Variants in MYO7B observed in about 807,000 individuals in gnomAD.
The protein encoded by MYO7B is unconventional myosin-VIIb.
MYO7B carries 212 observed loss-of-function variants against 259.7 expected under a neutral mutation model. The ratio of observed to expected loss-of-function variants is 0.82; its 90% CI spans 0.73 to 0.91. The LOEUF (loss-of-function observed/expected upper bound fraction) is 0.91, where lower values mean the gene tolerates loss of function less well. MYO7B is among the 40% of genes least tolerant of loss of function. MYO7B has a pLI of 0.00. For synonymous variants in MYO7B, 1,197 were observed against 1,166.4 expected, an observed-to-expected ratio of 1.03 and a Z score of -0.54; for missense variants, 2,732 against 2,813.5, an observed-to-expected ratio of 0.97 and a Z score of 0.66.
chr2:127,599,332 G>A (rs1679879425), intron 19 of MYO7B, among the ~76,000 whole-genome samples: 2 of 152,006 alleles, frequency 1.3e-5, no homozygotes, highest in Non-Finnish European at 2.9e-5. Flanking sequence ...TTTTAATTTT[G>A]ACATTGGCAT....
At chr2:127,631,836 A>G in intron 38 of MYO7B, 83 bp downstream of exon 38, 2 of 1,524,790 alleles carry the variant, frequency 1.3e-6, no homozygotes, top group Admixed American at 1.9e-5. Context: ...CTCAGAGAGG[A>G]CACCGCAGCT....
intron 9 of MYO7B, among the ~76,000 whole-genome samples, chr2:127,579,509 C>T (rs539285917): frequency 1.3e-5 from 2 of 152,160 alleles, no homozygotes; most frequent in East Asian, 1.9e-4. Context: ...GGGACAGCAT[C>T]AGAAACATGA....
At chr2:127,541,485 A>G (rs1693001654) in intron 1 of MYO7B, among the ~76,000 whole-genome samples, 1 of 152,222 alleles carries the variant, frequency 6.6e-6, no homozygotes, top group Admixed American at 6.5e-5. Context: ...AGGGTGTCAG[A>G]CTTCAGTTCT....
chr2:127,584,214 C>T lies in MYO7B; in HGVS notation c.1436C>T (p.Ser479Leu), dbSNP rs768580951. 7.4e-6 allele frequency: 12 copies of T among 1,613,960 alleles called. No individual in the cohort carries two copies. The highest frequency in any genetic ancestry group is 1.6e-4 in the Middle Eastern group (1 of 6,062). The change falls in exon 13 of 48, where the codon TCG becomes TTG. Residue 479 changes from serine (S) to leucine (L), a missense_variant. By Grantham distance (145) the Ser-to-Leu change is moderately radical. Transcript: ENST00000409816. The surrounding 1 kb of genome is among the most constrained non-coding windows in gnomAD (Gnocchi z 5.8). ...VFTMEQEEYR[S>L]ENISWDYIHY... ...ACCATGGAGCAAGAGGAGTACCGCT[C>T]GGAGAACATCTCCTGGGACTATATC...
intron 27 of MYO7B, 40 bp downstream of exon 27, chr2:127,620,506 T>C: frequency 6.7e-7 from 1 of 1,487,066 alleles, no homozygotes; most frequent in South Asian, 1.3e-5. Flanking sequence ...AGGGGGCAGG[T>C]TCTGGTGGGA....
chr2:127,589,033 G>A (rs1475631932), intron 15 of MYO7B, among the ~76,000 whole-genome samples: 1 of 143,638 alleles, frequency 7.0e-6, no homozygotes, highest in African/African-American at 2.6e-5. Flanking sequence ...GTGGGTGGAT[G>A]GATGGGTGGG....
rs1015451345 is a variant in MYO7B at position 127,585,339 on chromosome 2, T to C, written c.1690+426T>C. ...TTTTTGCATAAATGGAACCATATAA[T>C]ACGTGGTCTTCTGTGGCTGGTTTCT... On this transcript the variant is annotated intron_variant, in intron 14 of 47. Transcript: ENST00000409816. This position sits in a 1 kb window ranked among gnomAD's most constrained non-coding sequence, Gnocchi z 4.3. Among the ~76,000 whole-genome samples, 1 of 152,230 alleles carries C rather than the reference T, an allele frequency of 6.6e-6. No homozygotes were observed. Among genetic ancestry groups the C allele is most frequent in the Admixed American group, 6.5e-5 (1 of 15,288 alleles).
intron 34 of MYO7B, 71 bp from the exon 35 acceptor site, chr2:127,629,574 G>T: frequency 6.9e-7 from 1 of 1,458,288 alleles, no homozygotes; most frequent in South Asian, 1.3e-5. Flanking sequence ...CAAAGGAGAT[G>T]ACCCACAAAA....
Position 127,586,355 on chromosome 2 carries a change from G to A in MYO7B, c.1690+1442G>A, listed in dbSNP as rs554965170. Among the ~76,000 whole-genome samples, 34 of 152,322 alleles carry A rather than the reference G, an allele frequency of 2.2e-4. No individual in the cohort carries two copies. The highest frequency in any genetic ancestry group is 6.8e-3 in the Middle Eastern group (2 of 294). On this transcript the variant is annotated intron_variant, in intron 14 of 47. Transcript: ENST00000409816. The surrounding 1 kb of genome is among the most constrained non-coding windows in gnomAD (Gnocchi z 4.8). ...GCTGCTGTGGTCAGGAAAGCAGGGC[G>A]GCCAGAGGGTCACTCTCTGCCCCTC...
In MYO7B at chr2:127,614,073, G is replaced by T. The variant is rs1680484772; in HGVS notation, c.3398+1470G>T. Among the ~76,000 whole-genome samples, 1 of 152,134 alleles carries T rather than the reference G, an allele frequency of 6.6e-6. No individual in the cohort carries two copies. The highest frequency in any genetic ancestry group is 2.4e-5 in the African/African-American group (1 of 41,420). On this transcript the variant is annotated intron_variant, in intron 26 of 47. Coordinates refer to ENST00000409816, the MANE Select transcript of MYO7B (RefSeq NM_001393586.1). This position sits in a 1 kb window ranked among gnomAD's most constrained non-coding sequence, Gnocchi z 4.6. The stretch of plus-strand genomic sequence containing the variant: ...CTGGGCAAGTCTTCTGACTTAGCTG[G>T]TTCTAATTCTCTCATGGTTAATCCT...
chr2:127,631,691 C>G lies in MYO7B; in HGVS notation c.5187C>G (p.His1729Gln), dbSNP rs201933709. 3.6e-5 allele frequency: 58 copies of G among 1,613,044 alleles called. No homozygotes were observed. The African/African-American group carries it at 6.0e-4, about 17-fold the overall frequency. Reference sequence around the variant, plus strand: ...AGATCTTCACACTGGCCCTGCAGCACCCGGCCCTCCAGGACGAGGTCTACT... The same window carrying G: ...AGATCTTCACACTGGCCCTGCAGCAGCCGGCCCTCCAGGACGAGGTCTACT... ...TDQIFTLALQ[H>Q]PALQDEVYCQ... The change falls in exon 38 of 48, where the codon CAC (histidine) becomes CAG (glutamine). Residue 1729 changes from histidine (H) to glutamine (Q), a missense_variant. Physicochemically the swap from His to Gln is conservative, Grantham distance 24. Around this residue, in one of 3 missense-constraint regions of MYO7B, gnomAD observed 821 missense variants for 769.3 expected, o/e 1.07. Transcript: ENST00000409816.
At position 127,633,286 on chromosome 2, in the gene MYO7B, C is replaced by T. The variant is rs967189320; in HGVS notation, c.5434C>T (p.Gln1812Ter). 1 of 1,612,466 alleles carries T rather than the reference C, an allele frequency of 6.2e-7. No individual in the cohort carries two copies. Among genetic ancestry groups the T allele is most frequent in the Non-Finnish European group, 8.5e-7 (1 of 1,179,700 alleles). Residue 1812 changes from glutamine to a stop codon, truncating the protein, a stop_gained, in exon 40 of 48, where the codon CAG (glutamine) becomes TAG (stop). Coordinates refer to ENST00000409816, the MANE Select transcript of MYO7B (RefSeq NM_001393586.1). LOFTEE classifies it high-confidence loss of function. ...GGGGCCCCGGAAGCAGCCCCCGCAC[C>T]AGGTGGAGGTGGAGGCCGCAGAGCA... Reference protein sequence around the residue: ...RTGPRKQPPHQVEVEAAEQNV... With the variant: ...RTGPRKQPPH
chr2:127,582,336 CAAG>C lies in MYO7B; in HGVS notation c.1238_1240del (p.Lys413del), dbSNP rs1465810388. ...ATGGGCACCTCTTCCTGTGGATTGT[CAAG>C]AAGATCAATGCCGCCATCTTCACAC... On this transcript the variant is annotated inframe_deletion, in exon 12 of 48. Transcript: ENST00000409816. 1.2e-6 allele frequency: 2 copies of C among 1,613,192 alleles called. No homozygotes were observed. The highest frequency in any genetic ancestry group is 1.7e-6 in the Non-Finnish European group (2 of 1,179,632).
At chr2:127,570,721 C>G (rs947749471) in intron 6 of MYO7B, among the ~76,000 whole-genome samples, 1 of 152,118 alleles carries the variant, frequency 6.6e-6, no homozygotes, top group Non-Finnish European at 1.5e-5. Flanking sequence ...CTTCACCCCC[C>G]AGATCTTCTC....
intron 26 of MYO7B, among the ~76,000 whole-genome samples, chr2:127,617,230 A>C (rs1242983624): frequency 6.6e-6 from 1 of 152,198 alleles, no homozygotes; most frequent in Non-Finnish European, 1.5e-5. Context: ...GCAAAAGAAG[A>C]CGGTACAAGC....
chr2:127,580,909 C>A, intron 10 of MYO7B, 87 bp downstream of exon 10: 3 of 1,301,802 alleles, frequency 2.3e-6, no homozygotes, highest in African/African-American at 1.5e-5. Context: ...ATTCTTATAA[C>A]CCTACCCAGG....
intron 6 of MYO7B, among the ~76,000 whole-genome samples, chr2:127,572,312 G>A (rs1035301475): frequency 2.6e-5 from 4 of 151,256 alleles, no homozygotes; most frequent in African/African-American, 9.7e-5. Flanking sequence ...CCATCTACTC[G>A]GGATGCTGTG....
In MYO7B at chr2:127,636,808, C is replaced by T. The variant is rs368277200; in HGVS notation, c.6222C>T (p.Thr2074=). The part of the protein sequence containing the change: ...IHPKTKDLLT[T]YPFTKISSWS... ...TCTGCCCCCAGGACCTGCTCACCAC[C>T]TATCCCTTCACCAAGATCTCCAGCT... The change falls in exon 47 of 48, where the codon ACC becomes ACT. Residue 2074 remains threonine (T), a synonymous_variant. Transcript: ENST00000409816. This position sits in a 1 kb window ranked among gnomAD's most constrained non-coding sequence, Gnocchi z 4.5. 9.4e-5 allele frequency: 151 copies of T among 1,613,568 alleles called. No homozygotes were observed. Among genetic ancestry groups the T allele is most frequent in the Non-Finnish European group, 1.2e-4 (146 of 1,179,868 alleles).
rs376341295 is a variant in MYO7B, at chr2:127,591,223, A to T, written c.1992+994A>T. On this transcript the variant is annotated intron_variant, in intron 16 of 47. Coordinates refer to ENST00000409816, the MANE Select transcript of MYO7B (RefSeq NM_001393586.1). The stretch of plus-strand genomic sequence containing the variant: ...AAATGAGGCTTGCCTTATGAAATCT[A>T]GGTTGCATCTTCCTTGAAGGCAAAA... Among the ~76,000 whole-genome samples the T allele has an allele frequency of 3.3e-5, 5 of 152,302 alleles. No individual in the cohort carries two copies. The East Asian group carries it at 7.7e-4, about 24-fold the overall frequency.
Sources: allele counts gnomAD v4.1 joint callset (sites outside exome capture counted in the v4.1 genomes callset), GRCh38; gene constraint gnomAD v4.1.1; regional missense constraint gnomAD v4.1.1; non-coding constraint Gnocchi (gnomAD v3.1); transcripts MANE v1.5; gene names NCBI Gene and HGNC (gene_info 2026-07-23, HGNC 2026-07-21).